TBC1D22B: variants seen among roughly 807,000 people sequenced by gnomAD.
The protein encoded by TBC1D22B is chromosome 6 open reading frame 197.
Under a neutral mutation model 69.1 loss-of-function variants are expected in TBC1D22B, and 32 were observed. The observed-to-expected ratio is 0.46, with a 90% CI of 0.35 to 0.62. The LOEUF is 0.62. Ranked by LOEUF, TBC1D22B falls within the 20% of genes least tolerant of loss-of-function variation. TBC1D22B has a pLI of 0.00. For missense variants in TBC1D22B, 462 were observed against 630.9 expected, an observed-to-expected ratio of 0.73 and a Z score of 2.87; for synonymous variants, 206 against 229.8, an observed-to-expected ratio of 0.90 and a Z score of 0.94.
At chr6:37,273,633 A>G (rs1766571670) in intron 2 of TBC1D22B, among the ~76,000 whole-genome samples, 1 of 152,238 alleles carries the variant, frequency 6.6e-6, no homozygotes, top group African/African-American at 2.4e-5. Flanking sequence ...CATGCTTTCA[A>G]TAGGAGTAAT....
chr6:37,324,232 C>T (rs1562069405), intron 12 of TBC1D22B: 1 of 451,014 alleles, frequency 2.2e-6, no homozygotes, highest in Admixed American at 2.4e-5. Context: ...TGTTGCTCAT[C>T]ATTATACATC....
intron 1 of TBC1D22B, among the ~76,000 whole-genome samples, chr6:37,259,735 A>G (rs1400499328): frequency 1.3e-5 from 2 of 152,178 alleles, no homozygotes; most frequent in Admixed American, 1.3e-4. Context: ...TTGGGTTACT[A>G]TTTGGGCTCT....
intron 2 of TBC1D22B, among the ~76,000 whole-genome samples, chr6:37,277,336 C>T (rs1215610312): frequency 6.6e-6 from 1 of 152,176 alleles, no homozygotes; most frequent in Non-Finnish European, 1.5e-5. Flanking sequence ...AGCGAATCCC[C>T]TGAGGTGGTA....
chr6:37,327,034 C>T (rs1175073225), intron 12 of TBC1D22B, among the ~76,000 whole-genome samples: 1 of 152,050 alleles, frequency 6.6e-6, no homozygotes, highest in Non-Finnish European at 1.5e-5. Flanking sequence ...AAAGAGGCAA[C>T]ACCTTTTCCA....
chr6:37,297,169 A>G (rs536513160), intron 8 of TBC1D22B, among the ~76,000 whole-genome samples: 2 of 152,324 alleles, frequency 1.3e-5, no homozygotes, highest in South Asian at 4.1e-4. Context: ...CAATTATCAC[A>G]TCTAAAAAAT....
At chr6:37,326,639 T>A (rs1768412928) in intron 12 of TBC1D22B, among the ~76,000 whole-genome samples, 2 of 151,662 alleles carry the variant, frequency 1.3e-5, no homozygotes, top group South Asian at 4.2e-4. Flanking sequence ...TAAAAAACAA[T>A]TAACCAGGCA....
chr6:37,291,998 T>C lies in TBC1D22B; in HGVS notation c.982+641T>C, dbSNP rs888603515. Reference sequence around the variant, plus strand: ...AAAGGAGTTGAGGATCCTGTGTTTCTCTGTTTTGGTTTCCTTAATCACTTG... The same window carrying C: ...AAAGGAGTTGAGGATCCTGTGTTTCCCTGTTTTGGTTTCCTTAATCACTTG... On this transcript the variant is annotated intron_variant, in intron 8 of 12. Coordinates refer to ENST00000373491, the MANE Select transcript of TBC1D22B (RefSeq NM_017772.4). 6.6e-5 allele frequency among the ~76,000 whole-genome samples: 10 copies of C among 152,208 alleles called. 1 individual carries two copies. The highest frequency in any genetic ancestry group is 5.2e-4 in the Admixed American group (8 of 15,288).
At chr6:37,269,864 A>T (rs1583527353) in intron 2 of TBC1D22B, among the ~76,000 whole-genome samples, 2 of 152,170 alleles carry the variant, frequency 1.3e-5, no homozygotes, top group South Asian at 2.1e-4. Flanking sequence ...CTATATTGGG[A>T]ACTGGTATAT....
At chr6:37,320,608 G>T (rs1768211596) in intron 12 of TBC1D22B, among the ~76,000 whole-genome samples, 1 of 152,164 alleles carries the variant, frequency 6.6e-6, no homozygotes, top group African/African-American at 2.4e-5. Context: ...GAGGGAAACT[G>T]GTTTGGAGAG....
intron 8 of TBC1D22B, among the ~76,000 whole-genome samples, chr6:37,310,645 G>C (rs781538222): frequency 6.6e-6 from 1 of 152,206 alleles, no homozygotes; most frequent in Non-Finnish European, 1.5e-5. Flanking sequence ...TCCAGCCTGG[G>C]AGATAAGAGC....
chr6:37,287,024 A>G lies in TBC1D22B; in HGVS notation c.819A>G (p.Pro273=), dbSNP rs749517871. The G allele has an allele frequency of 1.2e-6, 2 of 1,602,328 alleles. No homozygotes were observed. Among genetic ancestry groups the G allele is most frequent in the Admixed American group, 1.8e-5 (1 of 57,012 alleles). Residue 273 remains proline (P), a synonymous_variant, in exon 7 of 13, where the codon CCA becomes CCG. Transcript: ENST00000373491. ...TTTTTCAGATTCACATTGACATTCC[A>G]AGGACGAATCCTCTCATTCCGTTGT... ...DTYRQIHIDI[P]RTNPLIPLFQ...
intron 8 of TBC1D22B, among the ~76,000 whole-genome samples, chr6:37,298,539 G>GTTTTGTT (rs1346408261): frequency 1.4e-5 from 1 of 71,218 alleles, no homozygotes; most frequent in African/African-American, 6.1e-5. Context: ...GTTGCCTACA[G>GTTTTGTT]TTTTTTTTTT....
intron 12 of TBC1D22B, among the ~76,000 whole-genome samples, chr6:37,329,716 A>G (rs55677046): frequency 0.081 from 12,397 of 152,216 alleles, 532 homozygotes; most frequent in Non-Finnish European, 0.098. Flanking sequence ...AGGGACTCTG[A>G]TTTGTCTTAT....
At chr6:37,296,542 T>A (rs6940193) in intron 8 of TBC1D22B, among the ~76,000 whole-genome samples, 4,845 of 152,058 alleles carry the variant, frequency 0.032, 243 homozygotes, top group African/African-American at 0.11. Flanking sequence ...TAGAGATAAA[T>A]TTTTGCCACA....
intron 1 of TBC1D22B, among the ~76,000 whole-genome samples, chr6:37,268,832 AT>A (rs1438787008): frequency 6.6e-6 from 1 of 152,222 alleles, no homozygotes; most frequent in Non-Finnish European, 1.5e-5. Flanking sequence ...TCAACATGAC[AT>A]TTGTAAGATC....
rs1227237868 is a variant in TBC1D22B, at chr6:37,284,321, C to T, written c.673-15C>T. 6.2e-7 allele frequency: 1 copy of T among 1,614,108 alleles called. No homozygotes were observed. The highest frequency in any genetic ancestry group is 1.1e-5 in the South Asian group (1 of 91,080). On this transcript the variant is annotated splice_polypyrimidine_tract_variant and intron_variant, in intron 5 of 12. Coordinates refer to ENST00000373491, the MANE Select transcript of TBC1D22B (RefSeq NM_017772.4). ...CCATTGTCTTTCCCCATCTGACCAG[C>T]AGTCTTGTCTATAGGGCTATCTCCC...
At chr6:37,311,264 T>C (rs1767903753) in intron 8 of TBC1D22B, among the ~76,000 whole-genome samples, 1 of 152,128 alleles carries the variant, frequency 6.6e-6, no homozygotes, top group Non-Finnish European at 1.5e-5. Context: ...GTTTTTTTTT[T>C]TTCAGCCTTG....
intron 8 of TBC1D22B, among the ~76,000 whole-genome samples, chr6:37,304,144 G>A (rs1050356046): frequency 1.1e-4 from 16 of 152,200 alleles, no homozygotes; most frequent in Admixed American, 2.6e-4. Context: ...TGAATTAGCC[G>A]AAAGTTCTCT....
chr6:37,303,698 A>G (rs1023614526), intron 8 of TBC1D22B, among the ~76,000 whole-genome samples: 3 of 152,144 alleles, frequency 2.0e-5, no homozygotes, highest in Non-Finnish European at 4.4e-5. Flanking sequence ...CTTAAACTCA[A>G]CAATCCAAAA....
Sources: gnomAD v4.1 joint callset for allele counts (sites outside exome capture counted in the v4.1 genomes callset) on GRCh38, gnomAD v4.1.1 for gene constraint, MANE v1.5 for transcripts, NCBI Gene and HGNC (gene_info 2026-07-23, HGNC 2026-07-21) for gene names.